The following WWOX variants were observed in gnomAD, a reference collection of about 807,000 sequenced individuals.
The protein encoded by WWOX is WW domain containing oxidoreductase, also known as WW domain-containing oxidoreductase.
Under a neutral mutation model 46.2 loss-of-function variants are expected in WWOX, and 69 were observed. The ratio of observed to expected loss-of-function variants is 1.49; its 90% CI spans 1.23 to 1.82. The LOEUF (loss-of-function observed/expected upper bound fraction) is 1.82. Among genes scored for constraint, WWOX ranks in the 40% most tolerant of loss-of-function variants. The pLI is 0.00. For synonymous variants in WWOX, 359 were observed against 202.6 expected, an observed-to-expected ratio of 1.77 and a Z score of -6.56; for missense variants, 919 against 542.6, an observed-to-expected ratio of 1.69 and a Z score of -6.89.
intron 5 of WWOX, among the ~76,000 whole-genome samples, chr16:78,182,264 C>G (rs755850112): frequency 1.3e-5 from 2 of 152,124 alleles, no homozygotes; most frequent in African/African-American, 4.8e-5. Context: ...CGAGTACTTG[C>G]GGTGGTACCT....
intron 8 of WWOX, among the ~76,000 whole-genome samples, chr16:78,480,065 G>C (rs906250200): frequency 6.6e-6 from 1 of 152,162 alleles, no homozygotes; most frequent in Non-Finnish European, 1.5e-5. Flanking sequence ...GAATTGTGCT[G>C]GGTCCTATGG....
intron 8 of WWOX, among the ~76,000 whole-genome samples, chr16:78,516,092 C>G (rs1280312383): frequency 6.6e-6 from 1 of 152,082 alleles, no homozygotes; most frequent in East Asian, 1.9e-4. Flanking sequence ...TGAAACCGTG[C>G]AAATGAATAG....
intron 8 of WWOX, among the ~76,000 whole-genome samples, chr16:78,935,940 G>T (rs928263120): frequency 2.6e-5 from 4 of 151,966 alleles, no homozygotes; most frequent in Admixed American, 2.6e-4. Context: ...ATAAGCAGCA[G>T]CAGCAGCAGC....
chr16:78,809,883 C>G (rs767795204), intron 8 of WWOX, among the ~76,000 whole-genome samples: 2 of 152,170 alleles, frequency 1.3e-5, no homozygotes, highest in Non-Finnish European at 2.9e-5. Context: ...TGCATATGAG[C>G]TTTCCCTCCT....
At chr16:78,705,825 C>A (rs893854750) in intron 8 of WWOX, among the ~76,000 whole-genome samples, 3 of 152,130 alleles carry the variant, frequency 2.0e-5, no homozygotes, top group African/African-American at 4.8e-5. Context: ...AACAAAAACC[C>A]TATTCCTATT....
At chr16:78,906,134 G>A (rs2044957356) in intron 8 of WWOX, among the ~76,000 whole-genome samples, 1 of 152,178 alleles carries the variant, frequency 6.6e-6, no homozygotes, top group Admixed American at 6.6e-5. Context: ...ATGGAAGTCT[G>A]TAAACCCAAA....
intron 8 of WWOX, among the ~76,000 whole-genome samples, chr16:79,176,443 A>G (rs1035691049): frequency 1.2e-4 from 19 of 152,228 alleles, no homozygotes; most frequent in African/African-American, 4.3e-4. Context: ...CTCAGGAAGA[A>G]GAGCAAATGG....
chr16:78,159,946 G>A (rs77226556), intron 4 of WWOX, among the ~76,000 whole-genome samples: 3,404 of 151,676 alleles, frequency 0.022, 74 homozygotes, highest in African/African-American at 0.059. Context: ...CTCTCTTTCT[G>A]TCTCTGTCTC....
intron 8 of WWOX, among the ~76,000 whole-genome samples, chr16:78,797,966 T>A (rs1221048771): frequency 6.6e-6 from 1 of 152,212 alleles, no homozygotes; most frequent in Non-Finnish European, 1.5e-5. Context: ...CAACCCTGGG[T>A]GACAGGGTGA....
At chr16:78,152,107 G>C (rs1211899850) in intron 4 of WWOX, among the ~76,000 whole-genome samples, 1 of 151,844 alleles carries the variant, frequency 6.6e-6, no homozygotes, top group Non-Finnish European at 1.5e-5. Context: ...GGAGAGTGGC[G>C]TGAACCCGGG....
chr16:78,868,868 T>G (rs776705377), intron 8 of WWOX, among the ~76,000 whole-genome samples: 1 of 152,200 alleles, frequency 6.6e-6, no homozygotes, highest in Non-Finnish European at 1.5e-5. Context: ...TCATGGATTT[T>G]TAATATGTCT....
chr16:78,805,666 C>G (rs2051015857), intron 8 of WWOX, among the ~76,000 whole-genome samples: 1 of 152,152 alleles, frequency 6.6e-6, no homozygotes, highest in African/African-American at 2.4e-5. Context: ...ACTGTTAAGA[C>G]TTAAACAGCT....
At chr16:79,209,087 G>C (rs1464584940) in intron 8 of WWOX, among the ~76,000 whole-genome samples, 1 of 152,180 alleles carries the variant, frequency 6.6e-6, no homozygotes, top group Non-Finnish European at 1.5e-5. Flanking sequence ...AATTTAGATG[G>C]TAAATCACCC....
chr16:78,839,887 C>A (rs75432712), intron 8 of WWOX, among the ~76,000 whole-genome samples: 1 of 152,118 alleles, frequency 6.6e-6, no homozygotes, highest in Non-Finnish European at 1.5e-5. Context: ...CAGGAACTAG[C>A]GAAGCCTTCA....
intron 8 of WWOX, among the ~76,000 whole-genome samples, chr16:78,838,585 T>A (rs965134245): frequency 6.6e-6 from 1 of 152,186 alleles, no homozygotes; most frequent in Non-Finnish European, 1.5e-5. Flanking sequence ...CTCACTCCTG[T>A]AATCCCAGCA....
chr16:78,586,449 A>T (rs538200592), intron 8 of WWOX, among the ~76,000 whole-genome samples: 2 of 152,122 alleles, frequency 1.3e-5, no homozygotes, highest in South Asian at 4.1e-4. Context: ...TTTCTACTTG[A>T]ATTCTATTTG....
At chr16:78,373,559 T>C (rs899838418) in intron 5 of WWOX, among the ~76,000 whole-genome samples, 1 of 152,152 alleles carries the variant, frequency 6.6e-6, no homozygotes, top group Admixed American at 6.6e-5. Flanking sequence ...TTTCCTATGC[T>C]GTGGAAAGAG....
intron 8 of WWOX, among the ~76,000 whole-genome samples, chr16:79,000,629 T>C (rs547366960): frequency 6.6e-6 from 1 of 152,288 alleles, no homozygotes; most frequent in South Asian, 2.1e-4. Flanking sequence ...CTCCCAGAAC[T>C]TCCAGAAAGG....
chr16:78,448,645 TCTC>T (rs1173815379), intron 8 of WWOX, among the ~76,000 whole-genome samples: 1 of 152,184 alleles, frequency 6.6e-6, no homozygotes, highest in Non-Finnish European at 1.5e-5. Flanking sequence ...CAAATCAGCT[TCTC>T]CACTAATGAG....
Sources: allele counts gnomAD v4.1 joint callset (sites outside exome capture counted in the v4.1 genomes callset), GRCh38; gene constraint gnomAD v4.1.1; transcripts MANE v1.5; gene names NCBI Gene and HGNC (gene_info 2026-07-23, HGNC 2026-07-21).